KLHL1: variants seen among roughly 807,000 people sequenced by gnomAD.
KLHL1 encodes kelch-like protein 1.
Under a neutral mutation model 77.7 loss-of-function variants are expected in KLHL1, and 47 were observed. The observed-to-expected ratio is 0.60, with a 90% CI of 0.48 to 0.77. KLHL1 has a LOEUF of 0.77. Ranked by LOEUF, KLHL1 falls within the 30% of genes least tolerant of loss-of-function variation. The pLI is 0.00. For synonymous variants in KLHL1, 360 were observed against 325.2 expected (o/e 1.11, Z -1.15); for missense variants, 925 against 910.8 (o/e 1.02, Z -0.20).
At chr13:69,930,861 C>T (rs1268856510) in intron 4 of KLHL1, among the ~76,000 whole-genome samples, 1 of 151,580 alleles carries the variant, frequency 6.6e-6, no homozygotes, top group African/African-American at 2.4e-5. Context: ...ATACAGGTGT[C>T]TATTTATGTA....
intron 1 of KLHL1, among the ~76,000 whole-genome samples, chr13:70,078,880 T>C (rs1236280822): frequency 3.9e-5 from 6 of 152,172 alleles, no homozygotes; most frequent in African/African-American, 1.4e-4. Flanking sequence ...GTGAATATGT[T>C]GAAATGAACC....
intron 8 of KLHL1, among the ~76,000 whole-genome samples, chr13:69,721,079 A>ATATATATATATATATATAC (rs1555300737): frequency 8.9e-5 from 6 of 67,632 alleles, no homozygotes; most frequent in East Asian, 8.0e-4. Flanking sequence ...ATATATATAT[A>ATATATATATATATATATAC]AAGCTATGTA....
At chr13:69,984,276 G>A (rs970354743) in intron 1 of KLHL1, among the ~76,000 whole-genome samples, 2 of 152,080 alleles carry the variant, frequency 1.3e-5, no homozygotes, top group Non-Finnish European at 2.9e-5. Flanking sequence ...CTGAAAAAAA[G>A]CAGCCTTTAA....
chr13:69,715,553 C>T (rs1362699790), intron 9 of KLHL1, among the ~76,000 whole-genome samples: 2 of 151,158 alleles, frequency 1.3e-5, no homozygotes, highest in Non-Finnish European at 2.9e-5. Flanking sequence ...CGGAATCTCG[C>T]TCTGTTGCCC....
intron 6 of KLHL1, among the ~76,000 whole-genome samples, chr13:69,820,265 C>T (rs183349095): frequency 1.3e-3 from 201 of 152,286 alleles, no homozygotes; most frequent in African/African-American, 4.5e-3. Flanking sequence ...ACACCAGTCC[C>T]CCATAACAGG....
rs1297495214 is a variant in KLHL1 at position 70,057,469 on chromosome 13, C to A, written c.497+49734G>T. ...ATATCATAAATAGACAAAGACACAT[C>A]AAAAAAAAAAAAAAAAAAAAAAAGA... is the stretch of plus-strand genomic sequence containing the variant. On this transcript the variant is annotated intron_variant, in intron 1 of 10. Coordinates refer to ENST00000377844, the MANE Select transcript of KLHL1 (RefSeq NM_020866.3). Among the ~76,000 whole-genome samples, 13 of 87,088 alleles carry A rather than the reference C, an allele frequency of 1.5e-4. No individual in the cohort carries two copies. In the South Asian group the frequency reaches 1.8e-3, roughly 12 times the overall value. The allele number at this position is 87,088 out of a possible 152,430, so 57.1% of individuals were successfully genotyped here. A position where few individuals can be genotyped will look rare whatever the true frequency, so the allele number is the denominator to read the frequency against.
chr13:70,067,634 G>GACA (rs3072584), intron 1 of KLHL1, among the ~76,000 whole-genome samples: 21,961 of 150,948 alleles, frequency 0.15, 1,902 homozygotes, highest in African/African-American at 0.24. Flanking sequence ...GACATATTTT[G>GACA]ACAACAACAA....
chr13:69,793,599 GCTT>G (rs1876970799), intron 7 of KLHL1, among the ~76,000 whole-genome samples: 1 of 151,438 alleles, frequency 6.6e-6, no homozygotes, highest in Non-Finnish European at 1.5e-5. Context: ...TTAGACTCTA[GCTT>G]CTTTTCACTT....
intron 6 of KLHL1, among the ~76,000 whole-genome samples, chr13:69,833,598 A>AATACTGG (rs1485054912): frequency 6.6e-6 from 1 of 152,016 alleles, no homozygotes; most frequent in African/African-American, 2.4e-5. Flanking sequence ...CAGCAATCCC[A>AATACTGG]ATACTGGATA....
intron 5 of KLHL1, among the ~76,000 whole-genome samples, chr13:69,861,304 C>T (rs930187315): frequency 6.6e-6 from 1 of 152,026 alleles, no homozygotes. Flanking sequence ...AAATTCTCCA[C>T]CTTTTTGTGG....
intron 1 of KLHL1, among the ~76,000 whole-genome samples, chr13:70,090,605 A>G (rs188329837): frequency 6.6e-6 from 1 of 152,172 alleles, no homozygotes; most frequent in Non-Finnish European, 1.5e-5. Flanking sequence ...TCTCACGATG[A>G]TATAGGGAGA....
chr13:69,834,675 C>A (rs932803172), intron 6 of KLHL1, among the ~76,000 whole-genome samples: 2 of 152,016 alleles, frequency 1.3e-5, no homozygotes, highest in African/African-American at 2.4e-5. Context: ...AATGTTATCA[C>A]AATTAATAGT....
intron 5 of KLHL1, among the ~76,000 whole-genome samples, chr13:69,870,343 G>A (rs1205954219): frequency 6.6e-6 from 1 of 152,016 alleles, no homozygotes; most frequent in Non-Finnish European, 1.5e-5. Context: ...TCATTACCAT[G>A]AGGACAGCAC....
intron 1 of KLHL1, among the ~76,000 whole-genome samples, chr13:70,058,643 AG>A (rs1254121117): frequency 6.6e-6 from 1 of 152,198 alleles, no homozygotes; most frequent in African/African-American, 2.4e-5. Context: ...GTACTACACA[AG>A]CAATCTTTAG....
At chr13:69,721,079 A>ATATATATATATATATATATATATATAC (rs1555300737) in intron 8 of KLHL1, among the ~76,000 whole-genome samples, 4 of 67,636 alleles carry the variant, frequency 5.9e-5, no homozygotes, top group Non-Finnish European at 1.4e-4. Flanking sequence ...ATATATATAT[A>ATATATATATATATATATATATATATAC]AAGCTATGTA....
chr13:69,992,119 A>C (rs989495531), intron 1 of KLHL1, among the ~76,000 whole-genome samples: 1 of 151,984 alleles, frequency 6.6e-6, no homozygotes, highest in East Asian at 1.9e-4. Flanking sequence ...TCCTGGCCAG[A>C]AACTTCGAAA....
intron 5 of KLHL1, 140 bp from the exon 6 acceptor site, chr13:69,839,302 G>A: frequency 2.1e-6 from 1 of 472,752 alleles, no homozygotes; most frequent in Non-Finnish European, 3.7e-6. Flanking sequence ...ATTCATTACA[G>A]TAACAAATAA....
chr13:70,021,135 T>C (rs1467110715), intron 1 of KLHL1, among the ~76,000 whole-genome samples: 1 of 152,080 alleles, frequency 6.6e-6, no homozygotes, highest in Non-Finnish European at 1.5e-5. Flanking sequence ...CATTATGATA[T>C]TATACAGAGT....
intron 5 of KLHL1, among the ~76,000 whole-genome samples, chr13:69,855,839 C>T (rs74905296): frequency 0.16 from 23,452 of 142,448 alleles, 2,401 homozygotes; most frequent in African/African-American, 0.29. Flanking sequence ...ATTATATATA[C>T]GGTATTATAT....
Sources: gnomAD v4.1 joint callset for allele counts (sites outside exome capture counted in the v4.1 genomes callset) on GRCh38, gnomAD v4.1.1 for gene constraint, MANE v1.5 for transcripts, NCBI Gene and HGNC (gene_info 2026-07-23, HGNC 2026-07-21) for gene names.